The following FAAH2 variants were observed in gnomAD, a reference collection of about 807,000 sequenced individuals.
FAAH2 encodes fatty acid amide hydrolase 2.
Under a neutral mutation model 36.9 loss-of-function variants are expected in FAAH2, and 60 were observed. The ratio of observed to expected loss-of-function variants is 1.63; its 90% confidence interval spans 1.32 to 2.02. FAAH2 has a LOEUF of 2.02. Ranked by LOEUF, FAAH2 falls within the 30% of genes most tolerant of loss-of-function variation. FAAH2 has a pLI of 0.00. For missense variants in FAAH2, 689 were observed against 397.5 expected (o/e 1.73, Z -6.23); for synonymous variants, 214 against 143.8 (o/e 1.49, Z -3.49).
At chrX:57,327,577 A>T (rs2053255150) in intron 3 of FAAH2, among the ~76,000 whole-genome samples, 1 of 110,522 alleles carries the variant, frequency 9.0e-6, no homozygotes, top group Non-Finnish European at 1.9e-5. Context: ...TTCTCACTTC[A>T]TTTCATTCAT....
intron 5 of FAAH2, 125 bp downstream of exon 5, chrX:57,341,515 T>C (rs1477182469): frequency 1.2e-6 from 1 of 802,912 alleles, no homozygotes; most frequent in Admixed American, 3.6e-5. Context: ...TGTTCTTAAA[T>C]AAAACTAGCT....
At position 57,352,158 on chromosome X, in the gene FAAH2, A is replaced by G. The variant is rs1235227798; in HGVS notation, c.742+10768A>G. ...TATGTGTATATATATGCACATATAT[A>G]TACACATATATATATATGCCAATAT... On this transcript the variant is annotated intron_variant, in intron 5 of 10. Transcript: ENST00000374900. Among the ~76,000 whole-genome samples the G allele has an allele frequency of 3.5e-5, 3 of 85,534 alleles. No individual in the cohort carries two copies. In the Admixed American group the frequency reaches 4.2e-4, roughly 12 times the overall value. 74.3% of individuals were successfully genotyped at this position (85,534 alleles called of 115,157 possible).
intron 5 of FAAH2, among the ~76,000 whole-genome samples, chrX:57,350,583 A>G (rs948179131): frequency 1.8e-5 from 2 of 111,225 alleles, no homozygotes; most frequent in African/African-American, 6.5e-5. Context: ...ATGGTAAAAA[A>G]CGATCTAACC....
At chrX:57,213,576 A>G in the FAAH2 span, among the ~76,000 whole-genome samples, 1 of 111,528 alleles carries the variant, frequency 9.0e-6, no homozygotes, top group African/African-American at 3.3e-5. Flanking sequence ...TTTTTATTTT[A>G]TCATCAATCA....
At chrX:57,417,534 G>C (rs2055876682) in intron 7 of FAAH2, among the ~76,000 whole-genome samples, 1 of 112,307 alleles carries the variant, frequency 8.9e-6, no homozygotes, top group African/African-American at 3.2e-5. Context: ...TCCAGACCCT[G>C]TTTGCCTGGT....
chrX:57,171,834 T>C, the FAAH2 span, among the ~76,000 whole-genome samples: 1 of 112,137 alleles, frequency 8.9e-6, no homozygotes, highest in Non-Finnish European at 1.9e-5. Flanking sequence ...AATATTTGCC[T>C]AGACTGATGT....
chrX:57,372,906 C>T (rs763086440), intron 5 of FAAH2, among the ~76,000 whole-genome samples: 4 of 110,017 alleles, frequency 3.6e-5, no homozygotes, highest in African/African-American at 1.3e-4. Flanking sequence ...CCCGAGAGTC[C>T]ATTATATCAT....
the FAAH2 span, among the ~76,000 whole-genome samples, chrX:57,122,589 G>A: frequency 2.7e-5 from 3 of 112,280 alleles, no homozygotes; most frequent in African/African-American, 9.7e-5. Context: ...TTTTGAGAAA[G>A]GTTGTATACT....
the FAAH2 span, among the ~76,000 whole-genome samples, chrX:57,159,081 A>G: frequency 8.9e-6 from 1 of 112,206 alleles, no homozygotes; most frequent in South Asian, 3.7e-4. Flanking sequence ...TCACAGTACC[A>G]TTTATTAAAT....
chrX:57,182,307 G>A, the FAAH2 span, among the ~76,000 whole-genome samples: 273 of 111,905 alleles, frequency 2.4e-3, 2 homozygotes, highest in South Asian at 8.5e-3. Context: ...TAGAATATTA[G>A]AAAATATTTG....
At chrX:57,462,286 G>T (rs750721907) in intron 10 of FAAH2, among the ~76,000 whole-genome samples, 1 of 111,066 alleles carries the variant, frequency 9.0e-6, no homozygotes, top group Non-Finnish European at 1.9e-5. Context: ...GAAGAAGAGG[G>T]ATTCCTCCCT....
intron 7 of FAAH2, among the ~76,000 whole-genome samples, chrX:57,396,799 A>C (rs2055313320): frequency 8.9e-6 from 1 of 111,947 alleles, no homozygotes; most frequent in Non-Finnish European, 1.9e-5. Flanking sequence ...AAGAAAATGT[A>C]TATTCTGTCA....
chrX:57,251,226 C>G, the FAAH2 span, among the ~76,000 whole-genome samples: 2 of 112,070 alleles, frequency 1.8e-5, no homozygotes, highest in Admixed American at 1.9e-4. Context: ...TGATACATTA[C>G]TTTAAAAGAA....
chrX:57,400,594 G>T (rs1475297161), intron 7 of FAAH2, among the ~76,000 whole-genome samples: 2 of 112,122 alleles, frequency 1.8e-5, no homozygotes, highest in African/African-American at 6.5e-5. Context: ...TAATGGCCTG[G>T]CTATTTCACT....
At chrX:57,183,328 G>A in the FAAH2 span, among the ~76,000 whole-genome samples, 6 of 110,685 alleles carry the variant, frequency 5.4e-5, no homozygotes, top group African/African-American at 2.0e-4. Flanking sequence ...TAGTCATAAT[G>A]TGCAGATTAG....
At chrX:57,282,101 G>A (rs2051760433), upstream of FAAH2, among the ~76,000 whole-genome samples, 1 of 111,964 alleles carries the variant, frequency 8.9e-6, no homozygotes, top group Admixed American at 9.5e-5. Flanking sequence ...GAGATTGCTT[G>A]GTCAAATGGT....
chrX:57,302,580 A>G (rs933118841), intron 2 of FAAH2, among the ~76,000 whole-genome samples: 3 of 110,823 alleles, frequency 2.7e-5, no homozygotes, highest in Non-Finnish European at 3.8e-5. Context: ...CTGATCCAAG[A>G]CTGGAGAGGT....
At chrX:57,204,817 T>A in the FAAH2 span, among the ~76,000 whole-genome samples, 2 of 112,445 alleles carry the variant, frequency 1.8e-5, no homozygotes, top group African/African-American at 6.5e-5. Flanking sequence ...CTTTTGCTTT[T>A]GCAATTGCTG....
chrX:57,211,808 T>C, the FAAH2 span, among the ~76,000 whole-genome samples: 1 of 111,896 alleles, frequency 8.9e-6, no homozygotes, highest in African/African-American at 3.3e-5. Context: ...CACACTAGTC[T>C]ATTTATAGGC....
Sources: allele counts gnomAD v4.1 joint callset (sites outside exome capture counted in the v4.1 genomes callset), GRCh38; gene constraint gnomAD v4.1.1; transcripts MANE v1.5; gene names NCBI Gene and HGNC (gene_info 2026-07-23, HGNC 2026-07-21).